The following KLHL29 variants were observed in gnomAD, a reference collection of about 807,000 sequenced individuals.
KLHL29 encodes the protein kelch-like protein 29.
A neutral mutation model predicts 80.4 loss-of-function variants in KLHL29; 21 were observed. The observed-to-expected ratio is 0.26, with a 90% CI of 0.19 to 0.38. The LOEUF (loss-of-function observed/expected upper bound fraction) is 0.38, where lower values mean the gene tolerates loss of function less well. KLHL29 is among the 10% of genes least tolerant of loss of function. The probability of loss-of-function intolerance (pLI) is 1.00; values close to 1 mark genes in which losing one functional copy is unlikely to be tolerated. For missense variants in KLHL29, 867 were observed against 1,223.9 expected, an observed-to-expected ratio of 0.71 and a Z score of 4.35; for synonymous variants, 511 against 526.8, an observed-to-expected ratio of 0.97 and a Z score of 0.41.
At chr2:23,600,075 C>T (rs576353209) in intron 3 of KLHL29, among the ~76,000 whole-genome samples, 3 of 152,180 alleles carry the variant, frequency 2.0e-5, no homozygotes, top group Admixed American at 6.5e-5. Context: ...GACATGTATC[C>T]GCATATGTTA....
intron 2 of KLHL29, among the ~76,000 whole-genome samples, chr2:23,544,375 C>T (rs764001119): frequency 7.2e-5 from 11 of 152,226 alleles, no homozygotes; most frequent in Non-Finnish European, 1.3e-4. Flanking sequence ...GTGAATCCTC[C>T]TCTGCCACTT....
chr2:23,593,611 G>A (rs749841185), intron 3 of KLHL29, among the ~76,000 whole-genome samples: 10 of 152,158 alleles, frequency 6.6e-5, no homozygotes, highest in Non-Finnish European at 1.3e-4. Flanking sequence ...GAGAAGTGAT[G>A]GAAGGACGTC....
At chr2:23,602,613 ATTTT>A (rs3028904) in intron 3 of KLHL29, among the ~76,000 whole-genome samples, 17 of 140,296 alleles carry the variant, frequency 1.2e-4, no homozygotes, top group African/African-American at 1.6e-4. Context: ...CTCTACGTGA[ATTTT>A]TTTTTTTTTT....
intron 2 of KLHL29, chr2:23,507,087 C>T: frequency 4.5e-6 from 2 of 443,910 alleles, no homozygotes; most frequent in Non-Finnish European, 9.6e-6. Context: ...TTGAAGGCAG[C>T]CGCATTTCCT....
In KLHL29 at chr2:23,562,654, C is replaced by T. The variant is rs11686638; in HGVS notation, c.285+173C>T. Among the ~76,000 whole-genome samples the T allele has an allele frequency of 6.6e-6, 1 of 151,820 alleles. No homozygotes were observed. The highest frequency in any genetic ancestry group is 1.5e-5 in the Non-Finnish European group (1 of 67,896). On this transcript the variant is annotated intron_variant, in intron 3 of 13. Transcript: ENST00000486442. The surrounding 1 kb of genome is among the most constrained non-coding windows in gnomAD (Gnocchi z 4.5). ...TGGAAACTGTTTGCGAGCATTCATG[C>T]GGGTTTTATTATCCATGAAGTCTTT...
rs1663035111 is a variant in KLHL29 at position 23,427,497 on chromosome 2, G to C, written c.-154+41717G>C. On this transcript the variant is annotated intron_variant, in intron 1 of 13. Coordinates refer to ENST00000486442, the MANE Select transcript of KLHL29 (RefSeq NM_052920.2). The stretch of plus-strand genomic sequence containing the variant: ...CTTTGAGTTCTCTGTGAGGCTCAGA[G>C]GGGTGGCGTGTTCTGCGTGGCCACA... Among the ~76,000 whole-genome samples, 3 of 152,182 alleles carry C rather than the reference G, an allele frequency of 2.0e-5. No homozygotes were observed. The South Asian group carries it at 6.2e-4, about 32-fold the overall frequency.
chr2:23,586,969 C>T (rs1003025200), intron 3 of KLHL29, among the ~76,000 whole-genome samples: 3 of 152,310 alleles, frequency 2.0e-5, no homozygotes, highest in Admixed American at 6.5e-5. Context: ...ACCAGTCATT[C>T]AGTAGCTGAT....
At chr2:23,541,608 G>A (rs1352235370) in intron 2 of KLHL29, among the ~76,000 whole-genome samples, 1 of 152,216 alleles carries the variant, frequency 6.6e-6, no homozygotes, top group African/African-American at 2.4e-5. Context: ...AGGTAAGACA[G>A]GAGCTAACCA....
intron 1 of KLHL29, among the ~76,000 whole-genome samples, chr2:23,455,604 GA>G (rs1664028288): frequency 7.8e-6 from 1 of 128,530 alleles, no homozygotes; most frequent in African/African-American, 2.9e-5. Context: ...ATGGTCTCCT[GA>G]TTTTTTTTTT....
chr2:23,471,239 G>A (rs772355984), intron 1 of KLHL29, among the ~76,000 whole-genome samples: 3 of 152,154 alleles, frequency 2.0e-5, no homozygotes, highest in Non-Finnish European at 4.4e-5. Flanking sequence ...CGACCCTGGC[G>A]GGGCTGCTTT....
At chr2:23,559,781 T>C (rs1232400346) in intron 2 of KLHL29, among the ~76,000 whole-genome samples, 1 of 151,852 alleles carries the variant, frequency 6.6e-6, no homozygotes, top group Non-Finnish European at 1.5e-5. Flanking sequence ...CCTTGGGAGT[T>C]ATCCAGAAAG....
intron 1 of KLHL29, among the ~76,000 whole-genome samples, chr2:23,392,645 A>G (rs975089884): frequency 3.9e-5 from 6 of 152,236 alleles, no homozygotes; most frequent in South Asian, 4.1e-4. Flanking sequence ...GTGGTAATCA[A>G]CTGGCCCAAG....
At chr2:23,505,996 A>G (rs914735647) in intron 2 of KLHL29, among the ~76,000 whole-genome samples, 2 of 152,172 alleles carry the variant, frequency 1.3e-5, no homozygotes, top group African/African-American at 2.4e-5. Context: ...TCCCCCGATC[A>G]TGCAGCCCAG....
At chr2:23,670,991 TCCCTC>T (rs1670726013) in intron 5 of KLHL29, among the ~76,000 whole-genome samples, 1 of 28,122 alleles carries the variant, frequency 3.6e-5, no homozygotes, top group Admixed American at 4.1e-4. Context: ...CCTCCCTCCC[TCCCTC>T]CCTCCCCCCC....
intron 3 of KLHL29, among the ~76,000 whole-genome samples, chr2:23,576,575 A>G (rs972925009): frequency 6.6e-6 from 1 of 152,162 alleles, no homozygotes; most frequent in African/African-American, 2.4e-5. Context: ...GGTGCTTGGA[A>G]TTTGGGATTA....
intron 1 of KLHL29, among the ~76,000 whole-genome samples, chr2:23,434,314 C>G (rs1663274508): frequency 8.3e-6 from 1 of 120,940 alleles, no homozygotes; most frequent in African/African-American, 3.4e-5. Flanking sequence ...CAGCGAGACT[C>G]CGTCTCAAAA....
At chr2:23,691,415 C>T in intron 6 of KLHL29, 1 of 544,900 alleles carries the variant, frequency 1.8e-6, no homozygotes. Context: ...ATAGCTCATG[C>T]TTTTTGATTT....
At chr2:23,550,723 A>G (rs1667102316) in intron 2 of KLHL29, among the ~76,000 whole-genome samples, 1 of 152,230 alleles carries the variant, frequency 6.6e-6, no homozygotes, top group South Asian at 2.1e-4. Context: ...TTGGCAGCCA[A>G]ATAGAGAGAA....
Position 23,596,662 on chromosome 2 carries a change from C to T in KLHL29, c.285+34181C>T, listed in dbSNP as rs955930920. On this transcript the variant is annotated intron_variant, in intron 3 of 13. Transcript: ENST00000486442. The surrounding 1 kb of genome is among the most constrained non-coding windows in gnomAD (Gnocchi z 4.4). ...ATCGTGGGAATGTGCCTCTTTAGCACGCCTTTAACCCCTATCCTGCAAGCA... is the reference window on the plus strand; with the variant it reads ...ATCGTGGGAATGTGCCTCTTTAGCATGCCTTTAACCCCTATCCTGCAAGCA... Among the ~76,000 whole-genome samples the T allele has an allele frequency of 3.3e-5, 5 of 152,198 alleles. No individual in the cohort carries two copies. The highest frequency in any genetic ancestry group is 9.6e-5 in the African/African-American group (4 of 41,454).
Sources: gnomAD v4.1 joint callset for allele counts (sites outside exome capture counted in the v4.1 genomes callset) on GRCh38, gnomAD v4.1.1 for gene constraint, Gnocchi (gnomAD v3.1) non-coding constraint, MANE v1.5 for transcripts, NCBI Gene and HGNC (gene_info 2026-07-23, HGNC 2026-07-21) for gene names.